The following PTDSS2 variants were observed in gnomAD, a reference collection of about 807,000 sequenced individuals.
PTDSS2 encodes the protein phosphatidylserine synthase 2.
In PTDSS2, 41 loss-of-function variants were observed where a neutral mutation model predicts 64.7. The ratio of observed to expected loss-of-function variants is 0.63; its 90% confidence interval spans 0.49 to 0.82. PTDSS2 has a LOEUF of 0.82. Among genes scored for constraint, PTDSS2 ranks in the 40% least tolerant of loss-of-function variants. The probability of loss-of-function intolerance (pLI) is 0.00; values close to 1 mark genes in which losing one functional copy is unlikely to be tolerated. For missense variants in PTDSS2, 485 were observed against 650.0 expected (o/e 0.75, Z 2.76); for synonymous variants, 297 against 277.8 (o/e 1.07, Z -0.69).
chr11:487,007 A>C lies in PTDSS2; in HGVS notation c.504A>C (p.Arg168Ser). Reference protein sequence around the residue: ...DPKLGVPLPERDYGGNCLIYD... With the variant: ...DPKLGVPLPESDYGGNCLIYD... ...AGCTGGGAGTCCCACTGCCAGAGAG[A>C]GACTACGGGGGAAACTGCCTCATCT... Residue 168 changes from arginine (R) to serine (S), a missense_variant, in exon 5 of 12, where the codon AGA (arginine) becomes AGC (serine). By Grantham distance (110) the Arg-to-Ser change is moderately radical. This residue lies in a region of PTDSS2 where 251 missense variants were observed against 348.0 expected (regional missense o/e 0.72). Coordinates refer to ENST00000308020, the MANE Select transcript of PTDSS2 (RefSeq NM_030783.3). 6.2e-7 allele frequency: 1 copy of C among 1,613,538 alleles called. No homozygotes were observed. The highest frequency in any genetic ancestry group is 8.5e-7 in the Non-Finnish European group (1 of 1,179,930).
At chr11:488,735 C>G in intron 8 of PTDSS2, 88 bp downstream of exon 8, 1 of 932,382 alleles carries the variant, frequency 1.1e-6, no homozygotes, top group Admixed American at 1.8e-5. Flanking sequence ...CCCCGAGCAC[C>G]AGGCCCGTCC....
rs764742797 is a variant in PTDSS2 at position 486,925 on chromosome 11, C to T, written c.436-14C>T. 2.5e-6 allele frequency: 4 copies of T among 1,601,472 alleles called. No homozygotes were observed. The Admixed American group carries it at 5.1e-5, about 21-fold the overall frequency. ...CTAACTGTAGCCCCGCTGACGGGGG[C>T]ACTGGCCTTGCAGACTGTCCAGGAC... On this transcript the variant is annotated splice_polypyrimidine_tract_variant and intron_variant, in intron 4 of 11. Coordinates refer to ENST00000308020, the MANE Select transcript of PTDSS2 (RefSeq NM_030783.3).
chr11:475,728 C>G (rs970913511), intron 3 of PTDSS2, among the ~76,000 whole-genome samples: 7 of 152,148 alleles, frequency 4.6e-5, no homozygotes, highest in South Asian at 4.1e-4. Context: ...TAGTCATTTC[C>G]TTACTAATTT....
In PTDSS2 at chr11:490,659, G is replaced by A. The variant is rs1008265135; in HGVS notation, c.*77G>A. The A allele has an allele frequency of 7.0e-7, 1 of 1,428,942 alleles. No homozygotes were observed. Among genetic ancestry groups the A allele is most frequent in the Non-Finnish European group, 9.4e-7 (1 of 1,065,056 alleles). 88.5% of individuals were successfully genotyped at this position (1,428,942 alleles called of 1,614,324 possible). A position where few individuals can be genotyped will look rare whatever the true frequency, so the allele number is the denominator to read the frequency against. On this transcript the variant is annotated 3_prime_UTR_variant, in exon 12 of 12. Transcript: ENST00000308020. ...TCCTCCTGTGTGAGTCCCACCAGGA[G>A]CCACGTGCCCGGCCTTGCCCTCAAG...
intron 8 of PTDSS2, 70 bp downstream of exon 8, chr11:488,717 C>T (rs2133842819): frequency 2.7e-6 from 3 of 1,129,542 alleles, no homozygotes; most frequent in Non-Finnish European, 4.0e-6. Context: ...CGTCCGTGCT[C>T]CAGCAGACCC....
rs1246394552 is a variant in PTDSS2, at chr11:489,950, A to G, written c.1183A>G (p.Ile395Val). 7 of 1,610,876 alleles carry G rather than the reference A, an allele frequency of 4.3e-6. No homozygotes were observed. The highest frequency in any genetic ancestry group is 5.9e-6 in the Non-Finnish European group (7 of 1,179,622). Residue 395 changes from isoleucine (I) to valine (V), a missense_variant, in exon 11 of 12, where the codon ATC (isoleucine) becomes GTC (valine). Transcript: ENST00000308020. ...GGCCATCACGGCCACGGAGCTGCTCATCGTGGTGAAGTACGACCCCCACAC... is the reference window on the plus strand; with the variant it reads ...GGCCATCACGGCCACGGAGCTGCTCGTCGTGGTGAAGTACGACCCCCACAC... ...VAAITATELL[I>V]VVKYDPHTLT...
intron 8 of PTDSS2, 43 bp downstream of exon 8, chr11:488,690 C>A: frequency 7.0e-7 from 1 of 1,436,230 alleles, no homozygotes; most frequent in Non-Finnish European, 9.8e-7. Context: ...GTGGGGGTTA[C>A]CTGGAGGCAG....
At chr11:475,098 CAT>C (rs879890946) in intron 3 of PTDSS2, among the ~76,000 whole-genome samples, 304 of 146,212 alleles carry the variant, frequency 2.1e-3, no homozygotes, top group Non-Finnish European at 3.5e-3. Flanking sequence ...GTGTGTGGGA[CAT>C]ATTCACGCGT....
In PTDSS2 at chr11:460,388, T is replaced by A; in HGVS notation, c.284+100T>A. ...GGGCTGCCGGGGGCTCAGAAGGCCTTCACCAGAGGGCTGCGTGGGGCCGCC... is the reference window on the plus strand; with the variant it reads ...GGGCTGCCGGGGGCTCAGAAGGCCTACACCAGAGGGCTGCGTGGGGCCGCC... On this transcript the variant is annotated intron_variant, in intron 2 of 11. Coordinates refer to ENST00000308020, the MANE Select transcript of PTDSS2 (RefSeq NM_030783.3). The surrounding 1 kb of genome is among the most constrained non-coding windows in gnomAD (Gnocchi z 5.8). 1 of 955,018 alleles carries A rather than the reference T, an allele frequency of 1.0e-6. No individual in the cohort carries two copies. Among genetic ancestry groups the A allele is most frequent in the Non-Finnish European group, 1.6e-6 (1 of 606,920 alleles). 59.2% of individuals were successfully genotyped at this position (955,018 alleles called of 1,614,324 possible).
intron 3 of PTDSS2, among the ~76,000 whole-genome samples, chr11:475,546 G>A (rs1406561212): frequency 6.6e-5 from 10 of 151,820 alleles, no homozygotes; most frequent in East Asian, 1.9e-4. Flanking sequence ...ACATTCACGC[G>A]TTTGTGTGTA....
Position 470,832 on chromosome 11 carries a change from C to T in PTDSS2, c.285-3063C>T, listed in dbSNP as rs920735183. Among the ~76,000 whole-genome samples, 2 of 152,026 alleles carry T rather than the reference C, an allele frequency of 1.3e-5. No homozygotes were observed. The highest frequency in any genetic ancestry group is 4.8e-5 in the African/African-American group (2 of 41,354). ...CTCGAACTCCTGACCTTGTGATCCG[C>T]CTGCCTCAGCCTCCCAAAGTGCTGG... On this transcript the variant is annotated intron_variant, in intron 2 of 11. Coordinates refer to ENST00000308020, the MANE Select transcript of PTDSS2 (RefSeq NM_030783.3). This position sits in a 1 kb window ranked among gnomAD's most constrained non-coding sequence, Gnocchi z 5.3.
At position 487,475 on chromosome 11, in the gene PTDSS2, G is replaced by C; in HGVS notation, c.621+5G>C. ...TTTCTTGGCTGGTACCTGAAGGTAC[G>C]GCACCTCCTCTTCCCGGCCTCCCCG... On this transcript the variant is annotated splice_donor_5th_base_variant and intron_variant, in intron 6 of 11. Coordinates refer to ENST00000308020, the MANE Select transcript of PTDSS2 (RefSeq NM_030783.3). 1 of 1,613,296 alleles carries C rather than the reference G, an allele frequency of 6.2e-7. No individual in the cohort carries two copies. The highest frequency in any genetic ancestry group is 8.5e-7 in the Non-Finnish European group (1 of 1,179,472).
intron 1 of PTDSS2, among the ~76,000 whole-genome samples, chr11:457,285 A>G (rs954867983): frequency 1.3e-5 from 2 of 152,186 alleles, no homozygotes; most frequent in Non-Finnish European, 2.9e-5. Flanking sequence ...CCACGCTCAC[A>G]CCAGAACATT....
Position 470,738 on chromosome 11 carries a change from T to C in PTDSS2, c.285-3157T>C, listed in dbSNP as rs1277518247. On this transcript the variant is annotated intron_variant, in intron 2 of 11. Coordinates refer to ENST00000308020, the MANE Select transcript of PTDSS2 (RefSeq NM_030783.3). This position sits in a 1 kb window ranked among gnomAD's most constrained non-coding sequence, Gnocchi z 5.3. ...CCGAGTAGCTGGGATTACAGGTGCC[T>C]GCCACCACATCTGGCTAATTTGTGT... is the stretch of plus-strand genomic sequence containing the variant. 2.6e-5 allele frequency among the ~76,000 whole-genome samples: 4 copies of C among 151,894 alleles called. No homozygotes were observed. The highest frequency in any genetic ancestry group is 9.7e-5 in the African/African-American group (4 of 41,354).
chr11:488,221 G>A lies in PTDSS2; in HGVS notation c.644G>A (p.Trp215Ter). 1 of 1,613,246 alleles carries A rather than the reference G, an allele frequency of 6.2e-7. No homozygotes were observed. The highest frequency in any genetic ancestry group is 8.5e-7 in the Non-Finnish European group (1 of 1,179,700). The change falls in exon 7 of 12, where the codon TGG (tryptophan) becomes TAG (stop). Residue 215 changes from tryptophan to a stop codon, truncating the protein, a stop_gained. Transcript: ENST00000308020. LOFTEE classifies it high-confidence loss of function. ...CAGACCCTGATGATCCGAGACTGGT[G>A]GATGTGCATGATCATCAGCGTGATG... ...YLKTLMIRDW[W>*]MCMIISVMFE...
chr11:477,244 A>G (rs1480105871), intron 3 of PTDSS2, among the ~76,000 whole-genome samples: 1 of 152,172 alleles, frequency 6.6e-6, no homozygotes, highest in Non-Finnish European at 1.5e-5. Context: ...GGGAGGTGGA[A>G]CGTTCTGGGC....
At position 461,526 on chromosome 11, in the gene PTDSS2, C is replaced by T. The variant is rs1354137042; in HGVS notation, c.284+1238C>T. 2.0e-5 allele frequency among the ~76,000 whole-genome samples: 3 copies of T among 152,254 alleles called. No individual in the cohort carries two copies. The highest frequency in any genetic ancestry group is 4.8e-5 in the African/African-American group (2 of 41,560). On this transcript the variant is annotated intron_variant, in intron 2 of 11. Coordinates refer to ENST00000308020, the MANE Select transcript of PTDSS2 (RefSeq NM_030783.3). The surrounding 1 kb of genome is among the most constrained non-coding windows in gnomAD (Gnocchi z 4.2). ...TCACCCTCCATCCTCACCTGGGAGGCGCAGGTGGCCTCTCCTGTCCTGGTC... is the reference window on the plus strand; with the variant it reads ...TCACCCTCCATCCTCACCTGGGAGGTGCAGGTGGCCTCTCCTGTCCTGGTC...
At chr11:449,518 G>T (rs1027120330), upstream of PTDSS2, among the ~76,000 whole-genome samples, 8 of 152,240 alleles carry the variant, frequency 5.3e-5, no homozygotes, top group African/African-American at 1.9e-4. Context: ...CCAGGTTTGA[G>T]GAGCTGCCAC....
intron 2 of PTDSS2, among the ~76,000 whole-genome samples, chr11:469,701 A>G (rs1847330600): frequency 6.6e-6 from 1 of 152,214 alleles, no homozygotes; most frequent in Non-Finnish European, 1.5e-5. Context: ...AGAACCAGCT[A>G]TGCTTGCAGC....
Sources: allele counts gnomAD v4.1 joint callset (sites outside exome capture counted in the v4.1 genomes callset), GRCh38; gene constraint gnomAD v4.1.1; regional missense constraint gnomAD v4.1.1; non-coding constraint Gnocchi (gnomAD v3.1); transcripts MANE v1.5; gene names NCBI Gene and HGNC (gene_info 2026-07-23, HGNC 2026-07-21).